DMD: variants seen among roughly 807,000 people sequenced by gnomAD.
The protein encoded by DMD is mutant dystrophin.
Under a neutral mutation model 330.1 loss-of-function variants are expected in DMD, and 63 were observed. The ratio of observed to expected loss-of-function variants is 0.19; its 90% CI spans 0.16 to 0.24. The LOEUF (loss-of-function observed/expected upper bound fraction) is 0.24. DMD is among the 10% of genes least tolerant of loss of function. The pLI, the probability that DMD is intolerant of heterozygous loss-of-function variation, is 1.00. For missense variants in DMD, 3,344 were observed against 2,684.1 expected (o/e 1.25, Z -5.43); for synonymous variants, 1,223 against 959.8 (o/e 1.27, Z -5.07).
rs749138383 is a variant in DMD, at chrX:31,808,756, G to C, written c.7309+11219C>G. Among the ~76,000 whole-genome samples the C allele has an allele frequency of 1.3e-4, 14 of 110,819 alleles. 1 individual carries two copies. In the South Asian group the frequency reaches 5.5e-3, roughly 43 times the overall value. On this transcript the variant is annotated intron_variant, in intron 50 of 78. Coordinates refer to ENST00000357033, the MANE Select transcript of DMD (RefSeq NM_004006.3). ...GAGTTATGTGCTTATTTGTTAAACA[G>C]TGTGCAGGTTCAAAGGAAAAGGGCA...
intron 33 of DMD, among the ~76,000 whole-genome samples, chrX:32,381,265 C>A (rs2097923674): frequency 9.0e-6 from 1 of 111,389 alleles, no homozygotes; most frequent in Non-Finnish European, 1.9e-5. Flanking sequence ...ATTTTGCCAT[C>A]CAATAGGGAC....
At chrX:32,108,747 C>A (rs149354529) in intron 44 of DMD, among the ~76,000 whole-genome samples, 4,683 of 111,563 alleles carry the variant, frequency 0.042, 262 homozygotes, top group African/African-American at 0.14. Flanking sequence ...AAACTCTCTA[C>A]CCCAACCTCT....
In DMD at chrX:32,518,997, C is replaced by CTTT. The variant is rs56678455; in HGVS notation, c.2169-869_2169-867dup. Among the ~76,000 whole-genome samples, 140 of 42,090 alleles carry CTTT rather than the reference C, an allele frequency of 3.3e-3. 7 individuals carry two copies. The highest frequency in any genetic ancestry group is 0.024 in the Middle Eastern group (1 of 41). 36.6% of individuals were successfully genotyped at this position (42,090 alleles called of 115,157 possible). On this transcript the variant is annotated intron_variant, in intron 17 of 78. Coordinates refer to ENST00000357033, the MANE Select transcript of DMD (RefSeq NM_004006.3). The stretch of plus-strand genomic sequence containing the variant: ...ATCACCTATCCTGTTATTTTCAAAC[C>CTTT]TTTTTTTTTTTTTTTTTTTTTTTTT...
chrX:31,344,899 G>GA (rs1169928983), intron 61 of DMD, among the ~76,000 whole-genome samples: 1 of 110,709 alleles, frequency 9.0e-6, no homozygotes, highest in Non-Finnish European at 1.9e-5. Flanking sequence ...GAGAAATACA[G>GA]AAAGTATATA....
intron 12 of DMD, among the ~76,000 whole-genome samples, chrX:32,596,682 A>AT (rs957845591): frequency 2.7e-5 from 3 of 110,242 alleles, no homozygotes; most frequent in African/African-American, 9.9e-5. Context: ...AGTAGCTGAG[A>AT]TTACAGGTGC....
intron 19 of DMD, among the ~76,000 whole-genome samples, chrX:32,500,352 G>T (rs1242638892): frequency 9.0e-6 from 1 of 111,637 alleles, no homozygotes; most frequent in Non-Finnish European, 1.9e-5. Context: ...AAATAATCAA[G>T]AAAATTAATA....
intron 7 of DMD, among the ~76,000 whole-genome samples, chrX:32,744,012 GCTAGA>G (rs1225387350): frequency 9.0e-6 from 1 of 110,839 alleles, no homozygotes; most frequent in African/African-American, 3.3e-5. Flanking sequence ...TGGTGATTTA[GCTAGA>G]CTATTTACCC....
chrX:32,183,586 A>ATATAAATATATATATATG (rs1557196749), intron 44 of DMD, among the ~76,000 whole-genome samples: 1 of 99,042 alleles, frequency 1.0e-5, no homozygotes, highest in Non-Finnish European at 2.0e-5. Context: ...ATATATATAT[A>ATATAAATATATATATATG]TATGTATGTA....
chrX:31,272,778 G>C (rs902156031), intron 62 of DMD, among the ~76,000 whole-genome samples: 15 of 111,453 alleles, frequency 1.3e-4, no homozygotes, highest in African/African-American at 3.3e-4. Context: ...GATGTTGAAA[G>C]ATTCCTCCTT....
chrX:33,289,557 A>G (rs1383481984), intron 1 of DMD, among the ~76,000 whole-genome samples: 1 of 111,786 alleles, frequency 8.9e-6, no homozygotes, highest in African/African-American at 3.2e-5. Flanking sequence ...TGTTTCAAGG[A>G]AGGCCACACA....
At chrX:32,277,782 A>G (rs1220322931) in intron 43 of DMD, among the ~76,000 whole-genome samples, 4 of 110,837 alleles carry the variant, frequency 3.6e-5, no homozygotes, top group Non-Finnish European at 7.5e-5. Context: ...AAGAAAAACC[A>G]CATACCAAAA....
intron 44 of DMD, among the ~76,000 whole-genome samples, chrX:32,207,075 C>T (rs908264714): frequency 9.0e-6 from 1 of 111,683 alleles, no homozygotes; most frequent in African/African-American, 3.3e-5. Flanking sequence ...AAGGTAATCA[C>T]ATTAGAAGAT....
At chrX:32,781,378 A>G (rs2074741807) in intron 7 of DMD, among the ~76,000 whole-genome samples, 2 of 111,704 alleles carry the variant, frequency 1.8e-5, no homozygotes, top group African/African-American at 6.5e-5. Flanking sequence ...GAAACATGAG[A>G]AGGACTCATA....
At chrX:31,834,187 T>C (rs911878476) in intron 49 of DMD, among the ~76,000 whole-genome samples, 2 of 111,635 alleles carry the variant, frequency 1.8e-5, no homozygotes, top group African/African-American at 6.5e-5. Flanking sequence ...ATCTCTAACC[T>C]TTAAAAATAA....
intron 17 of DMD, among the ~76,000 whole-genome samples, chrX:32,539,137 T>A (rs1393917506): frequency 1.8e-5 from 2 of 109,836 alleles, no homozygotes; most frequent in Non-Finnish European, 3.8e-5. Flanking sequence ...GTTATCTTTT[T>A]GAGGATGTGA....
chrX:31,476,420 T>TATATATAC (rs1226600532), intron 59 of DMD, among the ~76,000 whole-genome samples: 13 of 91,951 alleles, frequency 1.4e-4, no homozygotes, highest in African/African-American at 5.4e-4. Flanking sequence ...TATATATATA[T>TATATATAC]ACACACACAC....
intron 16 of DMD, among the ~76,000 whole-genome samples, chrX:32,554,939 A>AAG (rs1175814446): frequency 6.5e-4 from 18 of 27,605 alleles, no homozygotes; most frequent in African/African-American, 1.1e-3. Context: ...GAAAGAAAGA[A>AAG]AGAGAGAGAG....
intron 42 of DMD, among the ~76,000 whole-genome samples, chrX:32,298,187 G>A (rs1272510953): frequency 9.0e-6 from 1 of 110,723 alleles, no homozygotes; most frequent in Non-Finnish European, 1.9e-5. Flanking sequence ...AGTCTACAGG[G>A]GAGAAGGCAA....
At chrX:31,212,459 G>A (rs940663374) in intron 64 of DMD, among the ~76,000 whole-genome samples, 9 of 109,626 alleles carry the variant, frequency 8.2e-5, no homozygotes, top group Non-Finnish European at 1.3e-4. Context: ...GCGGTTGGGG[G>A]GCGGCGAGCA....
Sources: allele counts gnomAD v4.1 joint callset (sites outside exome capture counted in the v4.1 genomes callset), GRCh38; gene constraint gnomAD v4.1.1; transcripts MANE v1.5; gene names NCBI Gene and HGNC (gene_info 2026-07-23, HGNC 2026-07-21).